Variants in RORA observed in about 807,000 individuals in gnomAD.
RORA encodes nuclear receptor ROR-alpha.
In RORA, 7 loss-of-function variants were observed where a neutral mutation model predicts 69.5. That is an observed-to-expected ratio of 0.10 (90% CI 0.06 to 0.19). The LOEUF (loss-of-function observed/expected upper bound fraction) is 0.19. RORA is among the 10% of genes least tolerant of loss of function. The pLI is 1.00. For synonymous variants in RORA, 261 were observed against 240.8 expected, an observed-to-expected ratio of 1.08 and a Z score of -0.78; for missense variants, 457 against 663.0, an observed-to-expected ratio of 0.69 and a Z score of 3.41.
intron 1 of RORA, among the ~76,000 whole-genome samples, chr15:60,841,612 G>A (rs1223739284): frequency 6.6e-6 from 1 of 152,204 alleles, no homozygotes; most frequent in Non-Finnish European, 1.5e-5. Flanking sequence ...TTCCTGGAGG[G>A]ATTCCTCCCT....
At chr15:60,829,780 G>A (rs1024255384) in intron 1 of RORA, among the ~76,000 whole-genome samples, 6 of 152,162 alleles carry the variant, frequency 3.9e-5, no homozygotes, top group South Asian at 2.1e-4. Flanking sequence ...TCTGGCTTCC[G>A]TTCATTGGTA....
chr15:61,044,304 A>C (rs1325583241), intron 1 of RORA, among the ~76,000 whole-genome samples: 1 of 152,124 alleles, frequency 6.6e-6, no homozygotes, highest in African/African-American at 2.4e-5. Context: ...GGCCCTTGGT[A>C]TCACCTTCTG....
intron 2 of RORA, among the ~76,000 whole-genome samples, chr15:60,595,001 C>T (rs2068634597): frequency 6.6e-6 from 1 of 150,880 alleles, no homozygotes; most frequent in African/African-American, 2.4e-5. Flanking sequence ...TATATTAACA[C>T]AAAGCTCTTT....
chr15:61,157,988 G>T (rs541761916), intron 1 of RORA, among the ~76,000 whole-genome samples: 2 of 152,152 alleles, frequency 1.3e-5, no homozygotes, highest in Non-Finnish European at 2.9e-5. Context: ...ACCCTGGAGA[G>T]CATGGAAAGC....
intron 1 of RORA, among the ~76,000 whole-genome samples, chr15:60,844,341 G>C (rs576920766): frequency 1.1e-4 from 17 of 152,168 alleles, no homozygotes; most frequent in Admixed American, 1.1e-3. Flanking sequence ...AAACTACACA[G>C]AAATGCATCT....
chr15:61,228,256 C>T (rs1447369287), intron 1 of RORA, among the ~76,000 whole-genome samples: 1 of 152,200 alleles, frequency 6.6e-6, no homozygotes, highest in East Asian at 1.9e-4. Context: ...GAGCGCCCCA[C>T]AGGACCGCCG....
intron 1 of RORA, among the ~76,000 whole-genome samples, chr15:61,013,783 T>C (rs986557567): frequency 7.0e-6 from 1 of 142,896 alleles, no homozygotes; most frequent in African/African-American, 2.6e-5. Context: ...GGTTGGCTTT[T>C]TTTTTTTTTT....
intron 1 of RORA, among the ~76,000 whole-genome samples, chr15:60,990,189 T>C (rs942480569): frequency 1.3e-5 from 2 of 152,216 alleles, no homozygotes; most frequent in Non-Finnish European, 2.9e-5. Flanking sequence ...TATGCCCTAA[T>C]GCACTGTTTA....
intron 1 of RORA, among the ~76,000 whole-genome samples, chr15:60,815,196 T>A (rs1362845228): frequency 1.3e-5 from 2 of 152,168 alleles, no homozygotes; most frequent in Non-Finnish European, 2.9e-5. Context: ...GCACTTTGGA[T>A]GTCCTCCATG....
chr15:60,899,316 T>A (rs576046430), intron 1 of RORA, among the ~76,000 whole-genome samples: 1 of 152,314 alleles, frequency 6.6e-6, no homozygotes, highest in Admixed American at 6.5e-5. Context: ...CAAAAGCACA[T>A]CATGCAATAA....
intron 1 of RORA, among the ~76,000 whole-genome samples, chr15:61,014,036 G>A (rs1469318236): frequency 6.6e-6 from 1 of 152,064 alleles, no homozygotes; most frequent in Non-Finnish European, 1.5e-5. Flanking sequence ...GCCCGCCTCG[G>A]CCTCCCAAAG....
chr15:60,569,940 A>G (rs1041021550), intron 2 of RORA, among the ~76,000 whole-genome samples: 3 of 152,242 alleles, frequency 2.0e-5, no homozygotes, highest in Non-Finnish European at 4.4e-5. Context: ...CAAGATAAAC[A>G]TGAGAAACCC....
At chr15:60,623,498 TCATTGATTCCCCCATGAAAGCAC>T (rs1401018778) in intron 2 of RORA, among the ~76,000 whole-genome samples, 1 of 152,192 alleles carries the variant, frequency 6.6e-6, no homozygotes, top group East Asian at 1.9e-4. Flanking sequence ...CATGGACATC[TCATTGATTCCCCCATGAAAGCAC>T]CATGAGGTAG....
chr15:60,888,116 C>T (rs2140454599), intron 1 of RORA, among the ~76,000 whole-genome samples: 1 of 152,372 alleles, frequency 6.6e-6, no homozygotes, highest in Non-Finnish European at 1.5e-5. Flanking sequence ...TCTCTTCTTG[C>T]CTCATACATA....
intron 1 of RORA, among the ~76,000 whole-genome samples, chr15:61,096,669 G>A (rs62005658): frequency 0.023 from 3,509 of 152,230 alleles, 171 homozygotes; most frequent in Admixed American, 0.12. Context: ...ACAGCTGCCC[G>A]TGGAGCTCAC....
intron 1 of RORA, among the ~76,000 whole-genome samples, chr15:60,732,656 A>T (rs555387540): frequency 9.9e-5 from 15 of 152,086 alleles, no homozygotes; most frequent in Non-Finnish European, 1.8e-4. Flanking sequence ...TCTCTCTCTT[A>T]ATCACTCGTA....
intron 1 of RORA, among the ~76,000 whole-genome samples, chr15:60,756,400 T>G (rs564549526): frequency 6.6e-6 from 1 of 152,346 alleles, no homozygotes; most frequent in South Asian, 2.1e-4. Flanking sequence ...TAATGACAAA[T>G]AGTAGAAGAA....
intron 1 of RORA, among the ~76,000 whole-genome samples, chr15:60,788,512 C>T (rs891672459): frequency 6.6e-5 from 10 of 152,174 alleles, no homozygotes; most frequent in African/African-American, 1.7e-4. Flanking sequence ...TGCTTAAGAA[C>T]GAAACTCCTT....
rs1329047100 is a variant in RORA at position 60,534,962 on chromosome 15, C to T, written c.197-3111G>A. Among the ~76,000 whole-genome samples, 1 of 152,108 alleles carries T rather than the reference C, an allele frequency of 6.6e-6. No homozygotes were observed. The highest frequency in any genetic ancestry group is 2.4e-5 in the African/African-American group (1 of 41,412). On this transcript the variant is annotated intron_variant, in intron 2 of 10. Transcript: ENST00000335670. This position sits in a 1 kb window ranked among gnomAD's most constrained non-coding sequence, Gnocchi z 5.0. ...GCCTTGCAAATTTTTCAAAAGGAGG[C>T]AGTTTAGTTTTGTCAATTTGAGTTT... is the stretch of plus-strand genomic sequence containing the variant.
Sources: gnomAD v4.1 joint callset for allele counts (sites outside exome capture counted in the v4.1 genomes callset) on GRCh38, gnomAD v4.1.1 for gene constraint, Gnocchi (gnomAD v3.1) non-coding constraint, MANE v1.5 for transcripts, NCBI Gene and HGNC (gene_info 2026-07-23, HGNC 2026-07-21) for gene names.